RSPO2: variants seen among roughly 807,000 people sequenced by gnomAD.
The protein encoded by RSPO2 is R-spondin-2.
In RSPO2, 14 loss-of-function variants were observed where a neutral mutation model predicts 30.9. That is an observed-to-expected ratio of 0.45 (90% CI 0.30 to 0.71). The LOEUF (loss-of-function observed/expected upper bound fraction) is 0.71. RSPO2 is among the 30% of genes least tolerant of loss of function. The pLI is 0.08. For missense variants in RSPO2, 264 were observed against 301.9 expected, an observed-to-expected ratio of 0.87 and a Z score of 0.93; for synonymous variants, 107 against 96.4, an observed-to-expected ratio of 1.11 and a Z score of -0.64.
chr8:107,933,404 C>G (rs1428969104), intron 5 of RSPO2, among the ~76,000 whole-genome samples: 1 of 152,100 alleles, frequency 6.6e-6, no homozygotes, highest in Non-Finnish European at 1.5e-5. Context: ...TCATTTACTT[C>G]TATGCTCATA....
chr8:107,973,283 G>T (rs542388622), intron 3 of RSPO2, among the ~76,000 whole-genome samples: 1 of 148,112 alleles, frequency 6.8e-6, no homozygotes, highest in Non-Finnish European at 1.5e-5. Flanking sequence ...AAAAAAAATG[G>T]GGGGGGAACT....
intron 2 of RSPO2, among the ~76,000 whole-genome samples, chr8:108,071,877 T>C (rs1586679068): frequency 6.6e-6 from 1 of 152,182 alleles, no homozygotes; most frequent in East Asian, 1.9e-4. Context: ...TTCCCTTCTT[T>C]TAATGTCTGT....
At position 108,082,657 on chromosome 8, in the gene RSPO2, G is replaced by GA. The variant is rs1813246877; in HGVS notation, c.-20dup. The GA allele has an allele frequency of 1.2e-6, 2 of 1,601,038 alleles. No individual in the cohort carries two copies. The highest frequency in any genetic ancestry group is 1.1e-5 in the South Asian group (1 of 90,788). On this transcript the variant is annotated 5_prime_UTR_variant, in exon 2 of 6. Transcript: ENST00000276659. The stretch of plus-strand genomic sequence containing the variant: ...ACTGCATCTGGGCGGTCGGGCGGGG[G>GA]AGAGACGCCTCTCAAAGTCTAGGAA...
intron 2 of RSPO2, among the ~76,000 whole-genome samples, chr8:108,024,058 C>A (rs967848137): frequency 4.6e-5 from 7 of 151,882 alleles, no homozygotes; most frequent in Non-Finnish European, 1.0e-4. Flanking sequence ...CGGTGTGTCC[C>A]TGTATTTAAA....
chr8:107,974,845 CA>C, intron 3 of RSPO2, among the ~76,000 whole-genome samples: 1 of 99,880 alleles, frequency 1.0e-5, no homozygotes, highest in Non-Finnish European at 2.3e-5. Context: ...CACACATACA[CA>C]TACACACACA....
intron 5 of RSPO2, among the ~76,000 whole-genome samples, chr8:107,936,879 A>G (rs1465456620): frequency 6.6e-6 from 1 of 152,080 alleles, no homozygotes; most frequent in East Asian, 1.9e-4. Flanking sequence ...ATCTTTGCAT[A>G]TTCTGGATAT....
intron 2 of RSPO2, among the ~76,000 whole-genome samples, chr8:108,081,153 C>T (rs917333546): frequency 3.3e-5 from 5 of 151,910 alleles, no homozygotes; most frequent in Admixed American, 6.6e-5. Context: ...TCTTACAAGC[C>T]GCAGATACAG....
chr8:107,902,755 T>C (rs574505486), intron 5 of RSPO2, among the ~76,000 whole-genome samples: 44 of 152,268 alleles, frequency 2.9e-4, no homozygotes, highest in Non-Finnish European at 5.3e-4. Flanking sequence ...CAAATGTTTT[T>C]ACATCTTTTT....
At chr8:108,075,032 A>T (rs1812967717) in intron 2 of RSPO2, among the ~76,000 whole-genome samples, 1 of 152,118 alleles carries the variant, frequency 6.6e-6, no homozygotes, top group Non-Finnish European at 1.5e-5. Context: ...CTAGGATTAA[A>T]TTTTTTCCTG....
chr8:107,921,210 C>T (rs985362623), intron 5 of RSPO2, among the ~76,000 whole-genome samples: 1 of 151,922 alleles, frequency 6.6e-6, no homozygotes, highest in East Asian at 1.9e-4. Flanking sequence ...AGAAAACACA[C>T]TTCTGATAGA....
chr8:107,966,008 A>C (rs187438913), intron 3 of RSPO2, among the ~76,000 whole-genome samples: 19 of 152,304 alleles, frequency 1.2e-4, no homozygotes, highest in Middle Eastern at 3.4e-3. Flanking sequence ...TGCCCTCATC[A>C]TGAGGCAATA....
intron 2 of RSPO2, among the ~76,000 whole-genome samples, chr8:108,027,046 TAAGAA>T (rs1280148548): frequency 6.6e-6 from 1 of 152,172 alleles, no homozygotes; most frequent in Non-Finnish European, 1.5e-5. Flanking sequence ...GAATTTCCTT[TAAGAA>T]TCTATAGCAA....
At chr8:108,074,336 C>T (rs185170950) in intron 2 of RSPO2, among the ~76,000 whole-genome samples, 2 of 152,296 alleles carry the variant, frequency 1.3e-5, no homozygotes, top group East Asian at 1.9e-4. Context: ...TACCTTTGCT[C>T]TGACCCTTAT....
At chr8:107,927,759 G>A (rs1812428805) in intron 5 of RSPO2, among the ~76,000 whole-genome samples, 1 of 152,134 alleles carries the variant, frequency 6.6e-6, no homozygotes, top group Non-Finnish European at 1.5e-5. Flanking sequence ...ACTTGATCAT[G>A]GTGGATAAGC....
intron 3 of RSPO2, among the ~76,000 whole-genome samples, chr8:107,982,244 T>C (rs907411980): frequency 6.6e-6 from 1 of 152,278 alleles, no homozygotes; most frequent in East Asian, 1.9e-4. Context: ...TGGCAAAGTA[T>C]ATTGTTTTCT....
chr8:108,019,405 C>G (rs1370765433), intron 2 of RSPO2, among the ~76,000 whole-genome samples: 1 of 152,002 alleles, frequency 6.6e-6, no homozygotes, highest in South Asian at 2.1e-4. Flanking sequence ...CACATACACA[C>G]ACACACACAA....
intron 3 of RSPO2, chr8:107,983,002 G>A: frequency 4.5e-6 from 3 of 660,718 alleles, no homozygotes; most frequent in South Asian, 2.6e-5. Context: ...ACTGGCTCCT[G>A]GGGTGCAGAG....
intron 2 of RSPO2, among the ~76,000 whole-genome samples, chr8:108,074,244 G>A (rs1005482033): frequency 6.6e-6 from 1 of 152,186 alleles, no homozygotes; most frequent in African/African-American, 2.4e-5. Flanking sequence ...ATTGTAAAAG[G>A]TTTTCTCCAA....
At chr8:108,043,779 G>A (rs1378913254) in intron 2 of RSPO2, among the ~76,000 whole-genome samples, 1 of 152,088 alleles carries the variant, frequency 6.6e-6, no homozygotes, top group African/African-American at 2.4e-5. Context: ...GGTTCTGGCT[G>A]TCCGAGCAGG....
Sources: gnomAD v4.1 joint callset for allele counts (sites outside exome capture counted in the v4.1 genomes callset) on GRCh38, gnomAD v4.1.1 for gene constraint, MANE v1.5 for transcripts, NCBI Gene and HGNC (gene_info 2026-07-23, HGNC 2026-07-21) for gene names.